B3GLCT: variants seen among roughly 807,000 people sequenced by gnomAD.
B3GLCT encodes the protein beta-1,3-glucosyltransferase.
B3GLCT carries 65 observed loss-of-function variants against 63.4 expected under a neutral mutation model. The observed-to-expected ratio is 1.03, with a 90% CI of 0.84 to 1.26. The LOEUF is 1.26. Ranked by LOEUF, B3GLCT falls within the 50% of genes most tolerant of loss-of-function variation. The pLI, the probability that B3GLCT is intolerant of heterozygous loss-of-function variation, is 0.00. For missense variants in B3GLCT, 577 were observed against 604.8 expected, an observed-to-expected ratio of 0.95 and a Z score of 0.48; for synonymous variants, 233 against 219.2, an observed-to-expected ratio of 1.06 and a Z score of -0.55.
chr13:31,235,834 C>T (rs1194915844), intron 4 of B3GLCT, among the ~76,000 whole-genome samples: 1 of 152,146 alleles, frequency 6.6e-6, no homozygotes, highest in African/African-American at 2.4e-5. Flanking sequence ...CCTCCCTACC[C>T]CAACCCCTGG....
chr13:31,272,794 A>G (rs1041765120), intron 8 of B3GLCT, among the ~76,000 whole-genome samples: 2 of 152,138 alleles, frequency 1.3e-5, no homozygotes, highest in South Asian at 2.1e-4. Flanking sequence ...GGAAACTTAG[A>G]TATTGTCATT....
chr13:31,272,688 A>T (rs1410484826), intron 8 of B3GLCT, among the ~76,000 whole-genome samples: 1 of 152,220 alleles, frequency 6.6e-6, no homozygotes, highest in Non-Finnish European at 1.5e-5. Flanking sequence ...TAGCCAGAAA[A>T]TTTGAGGGCC....
chr13:31,269,137 AGAAAGTCTCAAGAATGT>A, intron 7 of B3GLCT, 60 bp from the exon 8 acceptor site: 2 of 958,616 alleles, frequency 2.1e-6, no homozygotes, highest in Non-Finnish European at 1.7e-6. Context: ...TTCAAACACT[AGAAAGTCTCAAGAATGT>A]GTTAGTCTTG....
At chr13:31,285,012 T>C (rs1181774187) in intron 11 of B3GLCT, among the ~76,000 whole-genome samples, 2 of 152,136 alleles carry the variant, frequency 1.3e-5, no homozygotes, top group Non-Finnish European at 2.9e-5. Context: ...TAACAATAGA[T>C]TTTTCATACC....
intron 14 of B3GLCT, 55 bp downstream of exon 14, chr13:31,323,950 C>T (rs1028789024): frequency 1.3e-6 from 2 of 1,596,730 alleles, no homozygotes; most frequent in South Asian, 1.1e-5. Context: ...AGATTCTTCT[C>T]ACTTAAGGAT....
intron 6 of B3GLCT, among the ~76,000 whole-genome samples, chr13:31,251,435 G>T (rs1871422717): frequency 1.3e-5 from 2 of 152,150 alleles, no homozygotes; most frequent in Non-Finnish European, 2.9e-5. Flanking sequence ...AAAGGAGCAT[G>T]TTCTAACCCA....
At chr13:31,244,597 A>G (rs1201095928) in intron 4 of B3GLCT, among the ~76,000 whole-genome samples, 1 of 152,208 alleles carries the variant, frequency 6.6e-6, no homozygotes, top group African/African-American at 2.4e-5. Flanking sequence ...TGGAACATAA[A>G]TTATTATAAT....
intron 12 of B3GLCT, among the ~76,000 whole-genome samples, chr13:31,299,713 G>A (rs1317810875): frequency 6.6e-6 from 1 of 152,100 alleles, no homozygotes; most frequent in African/African-American, 2.4e-5. Context: ...ATGGATCCAG[G>A]TGACCACCTC....
chr13:31,222,226 CTG>C lies in B3GLCT; in HGVS notation c.121-725_121-724del, dbSNP rs377445339. On this transcript the variant is annotated intron_variant, in intron 2 of 14. Coordinates refer to ENST00000343307, the MANE Select transcript of B3GLCT (RefSeq NM_194318.4). Reference sequence around the variant, plus strand: ...CCTGATTAGCTGGGACTACAGGCGCCTGCCATCATGCCCGGCTAACTTTTGTA... The same window carrying C: ...CCTGATTAGCTGGGACTACAGGCGCCCCATCATGCCCGGCTAACTTTTGTA... 3.8e-3 allele frequency among the ~76,000 whole-genome samples: 575 copies of C among 152,110 alleles called. 3 individuals carry two copies. Among genetic ancestry groups the C allele is most frequent in the African/African-American group, 0.013 (549 of 41,474 alleles).
Position 31,295,476 on chromosome 13 carries a change from G to GAC in B3GLCT, c.1064+8658_1064+8659dup, listed in dbSNP as rs531068092. On this transcript the variant is annotated intron_variant, in intron 12 of 14. Coordinates refer to ENST00000343307, the MANE Select transcript of B3GLCT (RefSeq NM_194318.4). ...GTGGGAGTTTTATGTATAAGCCCCTGACTGGGCATCTGCCTTTCATTTAGA... is the reference window on the plus strand; with the variant it reads ...GTGGGAGTTTTATGTATAAGCCCCTGACACTGGGCATCTGCCTTTCATTTAGA... 1.8e-3 allele frequency among the ~76,000 whole-genome samples: 273 copies of GAC among 152,312 alleles called. 2 individuals carry two copies. The highest frequency in any genetic ancestry group is 6.3e-3 in the African/African-American group (261 of 41,570).
intron 9 of B3GLCT, among the ~76,000 whole-genome samples, chr13:31,275,570 C>T (rs1377934866): frequency 2.0e-5 from 3 of 152,234 alleles, no homozygotes; most frequent in Non-Finnish European, 4.4e-5. Flanking sequence ...CCTTTCATCT[C>T]AATGACAGCC....
intron 12 of B3GLCT, among the ~76,000 whole-genome samples, chr13:31,287,755 T>C (rs1335662463): frequency 1.3e-5 from 2 of 152,230 alleles, no homozygotes; most frequent in Admixed American, 1.3e-4. Context: ...TAAATAGTTA[T>C]TATACCTCTA....
intron 7 of B3GLCT, among the ~76,000 whole-genome samples, chr13:31,264,551 A>G (rs1912795): frequency 0.62 from 93,785 of 152,062 alleles, 29,624 homozygotes; most frequent in East Asian, 0.98. Flanking sequence ...ACCTTAGATC[A>G]TATTTCCTTT....
At position 31,274,502 on chromosome 13, in the gene B3GLCT, G is replaced by T. The variant is rs371488075; in HGVS notation, c.661-7G>T. ...TTCATCACTGCCTGTCTCCTGTCTC[G>T]TGGCAGATTGCCCTCTACATCTGGG... is the stretch of plus-strand genomic sequence containing the variant. On this transcript the variant is annotated splice_polypyrimidine_tract_variant and splice_region_variant and intron_variant, in intron 8 of 14. Transcript: ENST00000343307. 6.2e-7 allele frequency: 1 copy of T among 1,614,080 alleles called. No individual in the cohort carries two copies.
In B3GLCT at chr13:31,229,299, G is replaced by C; in HGVS notation, c.270+5G>C. 6.5e-7 allele frequency: 1 copy of C among 1,539,276 alleles called. No homozygotes were observed. The highest frequency in any genetic ancestry group is 1.7e-4 in the Middle Eastern group (1 of 5,912). On this transcript the variant is annotated splice_donor_5th_base_variant and intron_variant, in intron 4 of 14. Transcript: ENST00000343307. ...CAGGCTGCAGATCTTACACAGGTAC[G>C]TAGCGATGGCTGGGGGGTCTGCCAG...
rs187473281 is a variant in B3GLCT at position 31,330,078 on chromosome 13, A to G, written c.*410A>G. 3.3e-5 allele frequency: 7 copies of G among 209,042 alleles called. No individual in the cohort carries two copies. The highest frequency in any genetic ancestry group is 2.4e-4 in the East Asian group (2 of 8,264). 12.9% of individuals were successfully genotyped at this position (209,042 alleles called of 1,614,324 possible). On this transcript the variant is annotated 3_prime_UTR_variant, in exon 15 of 15. Coordinates refer to ENST00000343307, the MANE Select transcript of B3GLCT (RefSeq NM_194318.4). ...ACTGTCTACAGTTCTATTTGTATAT[A>G]TAAAAAGAAGACTGAAAGTCTTTTG...
intron 5 of B3GLCT, 147 bp downstream of exon 5, chr13:31,247,246 C>T (rs1329931296): frequency 4.4e-6 from 3 of 678,846 alleles, no homozygotes; most frequent in Non-Finnish European, 7.8e-6. Context: ...ACTACCTTAA[C>T]CAAATTTCTT....
chr13:31,321,757 T>G (rs1875338835), intron 13 of B3GLCT, among the ~76,000 whole-genome samples: 1 of 152,234 alleles, frequency 6.6e-6, no homozygotes, highest in African/African-American at 2.4e-5. Flanking sequence ...CTTTGTACTA[T>G]TTGAATCCAA....
intron 12 of B3GLCT, among the ~76,000 whole-genome samples, chr13:31,313,828 T>A (rs539911622): frequency 2.6e-5 from 4 of 152,090 alleles, no homozygotes; most frequent in Non-Finnish European, 5.9e-5. Flanking sequence ...CTCCCCTACC[T>A]CCGCATCACA....
Sources: gnomAD v4.1 joint callset for allele counts (sites outside exome capture counted in the v4.1 genomes callset) on GRCh38, gnomAD v4.1.1 for gene constraint, MANE v1.5 for transcripts, NCBI Gene and HGNC (gene_info 2026-07-23, HGNC 2026-07-21) for gene names.